The following DAB1 variants were observed in gnomAD, a reference collection of about 807,000 sequenced individuals.
DAB1 encodes the protein DAB adaptor protein 1, also known as disabled homolog 1.
Under a neutral mutation model 64.6 loss-of-function variants are expected in DAB1, and 15 were observed. That is an observed-to-expected ratio of 0.23 (90% confidence interval 0.16 to 0.36). The LOEUF (loss-of-function observed/expected upper bound fraction) is 0.36, where lower values mean the gene tolerates loss of function less well. DAB1 is among the 10% of genes least tolerant of loss of function. DAB1 has a pLI of 1.00. For missense variants in DAB1, 596 were observed against 706.7 expected (o/e 0.84, Z 1.78); for synonymous variants, 235 against 251.9 (o/e 0.93, Z 0.64).
chr1:57,171,646 G>C (rs1311935773), intron 2 of DAB1, among the ~76,000 whole-genome samples: 4 of 152,140 alleles, frequency 2.6e-5, no homozygotes, highest in African/African-American at 7.2e-5. Flanking sequence ...GCACTACCCA[G>C]AGGATTAAAA....
intron 1 of DAB1, among the ~76,000 whole-genome samples, chr1:57,317,272 C>T (rs768252073): frequency 5.9e-5 from 9 of 152,262 alleles, no homozygotes; most frequent in Non-Finnish European, 8.8e-5. Context: ...CTCGCAATGA[C>T]GGGAGCAGCT....
At chr1:57,730,373 G>A (rs1647357417) in intron 6 of DAB1, among the ~76,000 whole-genome samples, 1 of 152,208 alleles carries the variant, frequency 6.6e-6, no homozygotes, top group Non-Finnish European at 1.5e-5. Context: ...CTCCTGAGCA[G>A]CTACTCTCAA....
rs200226853 is a variant in DAB1 at position 57,421,917 on chromosome 1, C to CGGGGGGGGGGGCG, written c.-137+2012_-137+2013insCGCCCCCCCCCCC. Among the ~76,000 whole-genome samples the CGGGGGGGGGGGCG allele has an allele frequency of 2.1e-3, 14 of 6,822 alleles. 2 individuals are homozygous for CGGGGGGGGGGGCG. The highest frequency in any genetic ancestry group is 4.0e-3 in the African/African-American group (11 of 2,732). 4.5% of individuals were successfully genotyped at this position (6,822 alleles called of 152,430 possible). A position where few individuals can be genotyped will look rare whatever the true frequency, so the allele number is the denominator to read the frequency against. On this transcript the variant is annotated intron_variant, in intron 1 of 14. Coordinates refer to ENST00000371236, the MANE Select transcript of DAB1 (RefSeq NM_001365792.1). Reference sequence around the variant, plus strand: ...TGGGGGGTGGCGGGGGGGGGGGTGGCGGGGGGGGGTGCCTACTCCTTCTGA... The same window carrying CGGGGGGGGGGGCG: ...TGGGGGGTGGCGGGGGGGGGGGTGGCGGGGGGGGGGGCGGGGGGGGGGTGCCTACTCCTTCTGA...
chr1:58,280,253 C>A (rs1489452096), intron 4 of DAB1, among the ~76,000 whole-genome samples: 1 of 152,206 alleles, frequency 6.6e-6, no homozygotes, highest in African/African-American at 2.4e-5. Context: ...CTTCCCTTAG[C>A]CACACTGTGT....
Position 57,335,696 on chromosome 1 carries a change from A to C in DAB1, c.-136-44530T>G, listed in dbSNP as rs2100810983. 1.3e-5 allele frequency among the ~76,000 whole-genome samples: 2 copies of C among 152,306 alleles called. 1 individual carries two copies. Among genetic ancestry groups the C allele is most frequent in the South Asian group, 4.1e-4 (2 of 4,820 alleles). On this transcript the variant is annotated intron_variant, in intron 1 of 14. Transcript: ENST00000371236. ...CCCTGCTCATCTGAATCAACTGATA[A>C]ACTCTCTTTTATTTGTATTAACGAA...
At chr1:57,154,908 G>A (rs182489600) in intron 2 of DAB1, among the ~76,000 whole-genome samples, 17 of 151,988 alleles carry the variant, frequency 1.1e-4, no homozygotes, top group Admixed American at 2.0e-4. Context: ...TTTTCCTATG[G>A]AGTTGTTTGA....
chr1:58,133,170 C>T (rs1653741172), intron 5 of DAB1, among the ~76,000 whole-genome samples: 1 of 152,186 alleles, frequency 6.6e-6, no homozygotes, highest in South Asian at 2.1e-4. Flanking sequence ...TCTGGTTGCA[C>T]AACGACTTTT....
intron 1 of DAB1, among the ~76,000 whole-genome samples, chr1:57,848,994 T>C (rs929857940): frequency 3.9e-5 from 6 of 152,208 alleles, no homozygotes; most frequent in African/African-American, 1.4e-4. Context: ...AAGGTAAATA[T>C]TATTTCAAGG....
At chr1:57,947,061 G>C (rs1436540549) in intron 5 of DAB1, among the ~76,000 whole-genome samples, 2 of 152,098 alleles carry the variant, frequency 1.3e-5, no homozygotes, top group Non-Finnish European at 2.9e-5. Flanking sequence ...CAAGTGCTAT[G>C]GGTCTTGATT....
intron 9 of DAB1, among the ~76,000 whole-genome samples, chr1:57,038,741 C>T (rs1368184164): frequency 6.6e-6 from 1 of 152,122 alleles, no homozygotes; most frequent in Non-Finnish European, 1.5e-5. Flanking sequence ...ATCCACAAAT[C>T]CTTGGACAAC....
chr1:57,780,268 G>A (rs1323828), intron 6 of DAB1, among the ~76,000 whole-genome samples: 77,423 of 151,810 alleles, frequency 0.51, 20,573 homozygotes, highest in South Asian at 0.64. Context: ...ACTATACATA[G>A]CATAGGCATT....
At chr1:58,076,171 G>A (rs891501964) in intron 5 of DAB1, among the ~76,000 whole-genome samples, 2 of 152,194 alleles carry the variant, frequency 1.3e-5, no homozygotes, top group African/African-American at 4.8e-5. Flanking sequence ...AGATCCTTCT[G>A]TGATGGTGAT....
At chr1:58,255,495 C>T (rs952317679) in intron 4 of DAB1, among the ~76,000 whole-genome samples, 5 of 152,042 alleles carry the variant, frequency 3.3e-5, no homozygotes, top group African/African-American at 1.2e-4. Flanking sequence ...CTGTAGGAAG[C>T]AGGAGGGGTC....
chr1:57,783,596 A>T (rs34541848), intron 6 of DAB1, among the ~76,000 whole-genome samples: 4 of 152,066 alleles, frequency 2.6e-5, no homozygotes, highest in African/African-American at 9.7e-5. Context: ...GCCTTAGCAG[A>T]TACTGTATTT....
intron 1 of DAB1, among the ~76,000 whole-genome samples, chr1:57,291,545 A>C (rs1348876718): frequency 6.6e-6 from 1 of 152,172 alleles, no homozygotes; most frequent in Non-Finnish European, 1.5e-5. Context: ...CCATCAGCCA[A>C]GCTTGATCAG....
chr1:58,383,352 A>C (rs1304733858), intron 3 of DAB1, among the ~76,000 whole-genome samples: 3 of 152,164 alleles, frequency 2.0e-5, no homozygotes, highest in Admixed American at 2.0e-4. Flanking sequence ...GTGCCCCCAA[A>C]TCCCTTCCAG....
At chr1:57,701,028 G>A (rs1646901232) in intron 6 of DAB1, among the ~76,000 whole-genome samples, 1 of 152,064 alleles carries the variant, frequency 6.6e-6, no homozygotes, top group Non-Finnish European at 1.5e-5. Flanking sequence ...CAGTTAGAAT[G>A]GCGATCATTA....
At chr1:58,250,193 C>G (rs1027979310) in intron 4 of DAB1, among the ~76,000 whole-genome samples, 1 of 152,226 alleles carries the variant, frequency 6.6e-6, no homozygotes, top group African/African-American at 2.4e-5. Flanking sequence ...GCGCGCCCAC[C>G]TCGAGCCTCT....
intron 3 of DAB1, among the ~76,000 whole-genome samples, chr1:58,417,697 GA>G (rs1157801636): frequency 6.6e-6 from 1 of 152,110 alleles, no homozygotes; most frequent in Non-Finnish European, 1.5e-5. Context: ...CTGCTAGGTG[GA>G]AAAAATAGGT....
Sources: gnomAD v4.1 joint callset for allele counts (sites outside exome capture counted in the v4.1 genomes callset) on GRCh38, gnomAD v4.1.1 for gene constraint, MANE v1.5 for transcripts, NCBI Gene and HGNC (gene_info 2026-07-23, HGNC 2026-07-21) for gene names.